Variants in IL17B observed in about 807,000 individuals in gnomAD.
IL17B encodes the protein interleukin 17B, also known as interleukin-17B.
In IL17B, 14 loss-of-function variants were observed where a neutral mutation model predicts 14.7. That is an observed-to-expected ratio of 0.95 (90% CI 0.63 to 1.49). The LOEUF (loss-of-function observed/expected upper bound fraction) is 1.49, where lower values mean the gene tolerates loss of function less well. Ranked by LOEUF, IL17B falls within the 40% of genes most tolerant of loss-of-function variation. The pLI, the probability that IL17B is intolerant of heterozygous loss-of-function variation, is 0.00. For synonymous variants in IL17B, 105 were observed against 94.8 expected, an observed-to-expected ratio of 1.11 and a Z score of -0.62; for missense variants, 233 against 252.8, an observed-to-expected ratio of 0.92 and a Z score of 0.53.
chr5:149,388,833 T>A (rs925673600), intron 1 of IL17B, among the ~76,000 whole-genome samples: 1 of 152,224 alleles, frequency 6.6e-6, no homozygotes, highest in African/African-American at 2.4e-5. Flanking sequence ...AGACAACAGA[T>A]CTGCAGAGGT....
At chr5:149,397,643 G>A (rs1759117742) in intron 1 of IL17B, among the ~76,000 whole-genome samples, 1 of 152,162 alleles carries the variant, frequency 6.6e-6, no homozygotes, top group Non-Finnish European at 1.5e-5. Context: ...GTTCTCTAGA[G>A]AGATAGAACC....
chr5:149,374,845 T>C lies in IL17B; in HGVS notation c.312-245A>G. The stretch of plus-strand genomic sequence containing the variant: ...TCACCAGTCACCCAGCTTCCTTCTT[T>C]CGTGCAGCCAGATGCCCATCCCAGT... On this transcript the variant is annotated intron_variant, in intron 2 of 2. Transcript: ENST00000261796. The surrounding 1 kb of genome is among the most constrained non-coding windows in gnomAD (Gnocchi z 5.0). 2.1e-6 allele frequency: 1 copy of C among 485,818 alleles called. No homozygotes were observed. Among genetic ancestry groups the C allele is most frequent in the South Asian group, 3.4e-5 (1 of 29,302 alleles). The allele number at this position is 485,818 out of a possible 1,614,324, so 30.1% of individuals were successfully genotyped here.
chr5:149,390,346 CATT>C (rs1758918945), intron 1 of IL17B, among the ~76,000 whole-genome samples: 1 of 151,674 alleles, frequency 6.6e-6, no homozygotes, highest in Non-Finnish European at 1.5e-5. Flanking sequence ...AGAATGGGAT[CATT>C]ATGAAGATGA....
intron 1 of IL17B, among the ~76,000 whole-genome samples, chr5:149,387,856 GA>G (rs1426058209): frequency 6.6e-6 from 1 of 151,814 alleles, no homozygotes; most frequent in African/African-American, 2.4e-5. Context: ...ATCAACACGT[GA>G]ATGTAAGTAT....
intron 1 of IL17B, among the ~76,000 whole-genome samples, chr5:149,392,613 G>A (rs1758993054): frequency 6.6e-6 from 1 of 152,214 alleles, no homozygotes; most frequent in Admixed American, 6.5e-5. Flanking sequence ...TTTCTCTGGG[G>A]AGGGGAATGG....
In IL17B at chr5:149,376,766, T is replaced by A. The variant is rs1222698207; in HGVS notation, c.281A>T (p.Asn94Ile). ...CEVNLQLWMSNKRSLSPWGYS... is the reference protein window; with the variant it reads ...CEVNLQLWMSIKRSLSPWGYS... ...GCCCCAGGGAGACAGGCTCCTCTTG[T>A]TGGACATCCACAGCTGCAAGTTGAC... is the stretch of plus-strand genomic sequence containing the variant. The change falls in exon 2 of 3, where the codon AAC becomes ATC. Residue 94 changes from asparagine to isoleucine, a missense_variant. By Grantham distance (149) the Asn-to-Ile change is moderately radical. Transcript: ENST00000261796. 1 of 1,612,610 alleles carries A rather than the reference T, an allele frequency of 6.2e-7. No homozygotes were observed. The highest frequency in any genetic ancestry group is 8.5e-7 in the Non-Finnish European group (1 of 1,179,234).
intron 1 of IL17B, among the ~76,000 whole-genome samples, chr5:149,400,652 A>G (rs566082427): frequency 6.3e-4 from 96 of 152,354 alleles, no homozygotes; most frequent in Admixed American, 2.6e-3. Flanking sequence ...AACGGGATAT[A>G]TAGAGACACA....
Position 149,402,689 on chromosome 5 carries a change from TA to T in IL17B, n.95+1418del, listed in dbSNP as rs370816490. On this transcript the variant is annotated intron_variant and non_coding_transcript_variant, in intron 1 of 2. Coordinates refer to the IL17B transcript ENST00000505432. Reference sequence around the variant, plus strand: ...TTTATCTTCTTTAATACCATGCTTTTAAAAAAAAAAAAAAAAAAAGAACAAA... The same window carrying T: ...TTTATCTTCTTTAATACCATGCTTTTAAAAAAAAAAAAAAAAAAGAACAAA... 7.2e-3 allele frequency among the ~76,000 whole-genome samples: 997 copies of T among 139,168 alleles called. 8 individuals carry two copies. The highest frequency in any genetic ancestry group is 0.017 in the African/African-American group (637 of 37,070). 91.3% of individuals were successfully genotyped at this position (139,168 alleles called of 152,430 possible). A position where few individuals can be genotyped will look rare whatever the true frequency, so the allele number is the denominator to read the frequency against.
At chr5:149,389,923 T>TTG (rs1342711691) in intron 1 of IL17B, among the ~76,000 whole-genome samples, 6 of 151,800 alleles carry the variant, frequency 4.0e-5, no homozygotes, top group Non-Finnish European at 8.8e-5. Flanking sequence ...GGCTGAGGAG[T>TTG]ATCAGACCGG....
chr5:149,390,641 A>C (rs13163055), intron 1 of IL17B, among the ~76,000 whole-genome samples: 17,923 of 149,632 alleles, frequency 0.12, 1,410 homozygotes, highest in East Asian at 0.17. Context: ...AGAGATACAC[A>C]AGGCCCTCCA....
intron 1 of IL17B, 103 bp from the exon 2 acceptor site, chr5:149,377,128 G>T: frequency 1.0e-6 from 1 of 967,386 alleles, no homozygotes. Context: ...GGGTCTCCCA[G>T]GCTCAGGTCT....
chr5:149,386,196 ATTGTT>A, intron 1 of IL17B, among the ~76,000 whole-genome samples: 1 of 152,100 alleles, frequency 6.6e-6, no homozygotes, highest in African/African-American at 2.4e-5. Flanking sequence ...GTGTTTTGTT[ATTGTT>A]TTAAGAGCCA....
At chr5:149,399,549 G>A (rs1023849530) in intron 1 of IL17B, among the ~76,000 whole-genome samples, 1 of 152,088 alleles carries the variant, frequency 6.6e-6, no homozygotes, top group Non-Finnish European at 1.5e-5. Flanking sequence ...GGACAGCCTT[G>A]TGGAACAAAT....
At chr5:149,383,587 G>A (rs1188359281), upstream of IL17B, among the ~76,000 whole-genome samples, 1 of 152,276 alleles carries the variant, frequency 6.6e-6, no homozygotes. Flanking sequence ...CTTCTCCCAG[G>A]CCCATATTTG....
intron 1 of IL17B, among the ~76,000 whole-genome samples, chr5:149,392,980 G>T (rs1759012271): frequency 2.8e-5 from 4 of 142,632 alleles, no homozygotes; most frequent in Non-Finnish European, 6.4e-5. Context: ...GCGCGTGCGT[G>T]TGTGTGTGCG....
intron 1 of IL17B, among the ~76,000 whole-genome samples, chr5:149,397,068 TAC>T (rs1380863245): frequency 6.6e-6 from 1 of 152,262 alleles, no homozygotes; most frequent in African/African-American, 2.4e-5. Flanking sequence ...GGTTGTGGTC[TAC>T]ACATTCTGCA....
chr5:149,378,376 A>G (rs1758601402), intron 1 of IL17B, among the ~76,000 whole-genome samples: 1 of 152,092 alleles, frequency 6.6e-6, no homozygotes, highest in South Asian at 2.1e-4. Flanking sequence ...CCAGCACCAG[A>G]GTATCAGGAA....
chr5:149,382,328 T>C (rs1334029714), upstream of IL17B, among the ~76,000 whole-genome samples: 1 of 151,870 alleles, frequency 6.6e-6, no homozygotes, highest in African/African-American at 2.4e-5. Flanking sequence ...ATTCCAGGGG[T>C]CGGGTGAGGG....
At chr5:149,379,677 TG>T (rs1758638617), upstream of IL17B, among the ~76,000 whole-genome samples, 1 of 152,152 alleles carries the variant, frequency 6.6e-6, no homozygotes, top group Admixed American at 6.5e-5. Context: ...CAAATTGTGC[TG>T]GCCAGGAGTG....
Sources: allele counts gnomAD v4.1 joint callset (sites outside exome capture counted in the v4.1 genomes callset), GRCh38; gene constraint gnomAD v4.1.1; non-coding constraint Gnocchi (gnomAD v3.1); transcripts MANE v1.5; gene names NCBI Gene and HGNC (gene_info 2026-07-23, HGNC 2026-07-21).